The following OSBPL3 variants were observed in gnomAD, a reference collection of about 807,000 sequenced individuals.
OSBPL3 encodes oxysterol-binding protein-related protein 3.
Under a neutral mutation model 120.1 loss-of-function variants are expected in OSBPL3, and 65 were observed. The observed-to-expected ratio is 0.54, with a 90% CI of 0.44 to 0.67. The LOEUF (loss-of-function observed/expected upper bound fraction) is 0.67. OSBPL3 is among the 30% of genes least tolerant of loss of function. The pLI, the probability that OSBPL3 is intolerant of heterozygous loss-of-function variation, is 0.00. For synonymous variants in OSBPL3, 416 were observed against 402.6 expected, an observed-to-expected ratio of 1.03 and a Z score of -0.40; for missense variants, 1,004 against 1,082.1, an observed-to-expected ratio of 0.93 and a Z score of 1.01.
At chr7:24,904,918 GGTGTGTGTGTGTGTGTGTGTGT>G (rs67222925) in intron 1 of OSBPL3, among the ~76,000 whole-genome samples, 5 of 132,860 alleles carry the variant, frequency 3.8e-5, no homozygotes, top group Non-Finnish European at 8.0e-5. Context: ...ATAATATACA[GGTGTGTGTGTGTGTGTGTGTGT>G]GTGTGTGTGT....
At chr7:24,962,282 G>A (rs531924971) in intron 1 of OSBPL3, among the ~76,000 whole-genome samples, 4 of 151,324 alleles carry the variant, frequency 2.6e-5, no homozygotes, top group South Asian at 2.1e-4. Flanking sequence ...CAGCCTGGGC[G>A]ACGAGAGTGA....
intron 16 of OSBPL3, among the ~76,000 whole-genome samples, chr7:24,825,840 C>T (rs1001065625): frequency 1.3e-5 from 2 of 152,196 alleles, no homozygotes; most frequent in Non-Finnish European, 2.9e-5. Context: ...AAAAGATCTT[C>T]ATTTCAATCT....
rs955832482 is a variant in OSBPL3 at position 24,855,982 on chromosome 7, C to G, written c.1028-3348G>C. On this transcript the variant is annotated intron_variant, in intron 10 of 22. Coordinates refer to ENST00000313367, the MANE Select transcript of OSBPL3 (RefSeq NM_015550.4). The surrounding 1 kb of genome is among the most constrained non-coding windows in gnomAD (Gnocchi z 4.3). Reference sequence around the variant, plus strand: ...TGGCCCACGCTTGTCAGAGCACTTGCTATCTCCTAAAATGGTACATTCTGC... The same window carrying G: ...TGGCCCACGCTTGTCAGAGCACTTGGTATCTCCTAAAATGGTACATTCTGC... Among the ~76,000 whole-genome samples the G allele has an allele frequency of 6.6e-6, 1 of 152,206 alleles. No individual in the cohort carries two copies.
chr7:24,816,783 C>T, intron 17 of OSBPL3, 95 bp from the exon 18 acceptor site: 1 of 804,112 alleles, frequency 1.2e-6, no homozygotes, highest in South Asian at 1.4e-5. Context: ...CTATATAGTA[C>T]AACCTCTTCA....
At position 24,933,083 on chromosome 7, in the gene OSBPL3, A is replaced by G. The variant is rs1811984516; in HGVS notation, c.-149-40462T>C. 6.6e-6 allele frequency among the ~76,000 whole-genome samples: 1 copy of G among 152,260 alleles called. No individual in the cohort carries two copies. Among genetic ancestry groups the G allele is most frequent in the Non-Finnish European group, 1.5e-5 (1 of 68,042 alleles). ...CTGCCCAAAATAGTTTAATAAGGCC[A>G]GCAGTGATTCAGAGAGTAATAACAG... On this transcript the variant is annotated intron_variant, in intron 1 of 22. Coordinates refer to ENST00000313367, the MANE Select transcript of OSBPL3 (RefSeq NM_015550.4). This position sits in a 1 kb window ranked among gnomAD's most constrained non-coding sequence, Gnocchi z 5.1.
At chr7:24,841,522 C>G (rs571557599) in intron 13 of OSBPL3, among the ~76,000 whole-genome samples, 15 of 151,264 alleles carry the variant, frequency 9.9e-5, no homozygotes, top group African/African-American at 3.6e-4. Context: ...CATGCGGAAG[C>G]CCATCTCTAC....
At chr7:24,893,514 G>A (rs1039332466) in intron 1 of OSBPL3, among the ~76,000 whole-genome samples, 4 of 152,174 alleles carry the variant, frequency 2.6e-5, no homozygotes, top group Non-Finnish European at 4.4e-5. Context: ...GGTGTGATAA[G>A]AATATTCTGG....
At chr7:24,981,552 T>C (rs1818362477), upstream of OSBPL3, 1 of 152,478 alleles carries the variant, frequency 6.6e-6, no homozygotes, top group African/African-American at 2.4e-5. This position sits in a 1 kb window ranked among gnomAD's most constrained non-coding sequence, Gnocchi z 7.3. Flanking sequence ...TTTCTGAGAC[T>C]CTTTCCGGAG....
chr7:24,875,886 T>C (rs1310973021), intron 2 of OSBPL3, among the ~76,000 whole-genome samples: 5 of 152,066 alleles, frequency 3.3e-5, no homozygotes, highest in Non-Finnish European at 7.4e-5. Flanking sequence ...GACGACAGGG[T>C]AAGAACCACT....
intron 1 of OSBPL3, among the ~76,000 whole-genome samples, chr7:24,960,252 C>T (rs1304478700): frequency 6.6e-6 from 1 of 152,070 alleles, no homozygotes; most frequent in South Asian, 2.1e-4. Flanking sequence ...AAACACAGAT[C>T]CTTCCACCTC....
At chr7:24,814,661 C>A (rs1354824305) in intron 19 of OSBPL3, among the ~76,000 whole-genome samples, 3 of 152,094 alleles carry the variant, frequency 2.0e-5, no homozygotes, top group Non-Finnish European at 4.4e-5. Flanking sequence ...CTCCTGCAGC[C>A]CCGGGCGACC....
Position 24,820,586 on chromosome 7 carries a change from C to A in OSBPL3, c.1885-348G>T, listed in dbSNP as rs1795006297. 6.6e-6 allele frequency among the ~76,000 whole-genome samples: 1 copy of A among 152,216 alleles called. No homozygotes were observed. The highest frequency in any genetic ancestry group is 2.4e-5 in the African/African-American group (1 of 41,458). ...GGACTGCTCATCCATAACATATAAT[C>A]TGACATTGGCTACCAATGTCAACAT... On this transcript the variant is annotated intron_variant, in intron 16 of 22. Transcript: ENST00000313367. The surrounding 1 kb of genome is among the most constrained non-coding windows in gnomAD (Gnocchi z 4.6).
At chr7:24,923,409 T>A (rs781775035) in intron 1 of OSBPL3, among the ~76,000 whole-genome samples, 2 of 152,218 alleles carry the variant, frequency 1.3e-5, no homozygotes, top group Non-Finnish European at 2.9e-5. Flanking sequence ...CCAACCAGAT[T>A]CCCTTCCTCA....
chr7:24,820,148 T>C lies in OSBPL3; in HGVS notation c.1948+27A>G. ...ATAGATAACATATTACACAATATGA[T>C]GGAAGTAAAATGTATTAGCACATTA... On this transcript the variant is annotated intron_variant, in intron 17 of 22. Transcript: ENST00000313367. The surrounding 1 kb of genome is among the most constrained non-coding windows in gnomAD (Gnocchi z 4.6). The C allele has an allele frequency of 6.9e-7, 1 of 1,450,394 alleles. No homozygotes were observed. Among genetic ancestry groups the C allele is most frequent in the Non-Finnish European group, 9.7e-7 (1 of 1,033,702 alleles). The allele number at this position is 1,450,394 out of a possible 1,614,324, so 89.8% of individuals were successfully genotyped here. A position where few individuals can be genotyped will look rare whatever the true frequency, so the allele number is the denominator to read the frequency against.
At chr7:24,886,862 A>G (rs1462140833) in intron 2 of OSBPL3, among the ~76,000 whole-genome samples, 1 of 152,114 alleles carries the variant, frequency 6.6e-6, no homozygotes, top group Non-Finnish European at 1.5e-5. Flanking sequence ...TCTCTCATGA[A>G]TCAACTCTAA....
In OSBPL3 at chr7:24,806,976, C is replaced by T. The variant is rs207467736; in HGVS notation, c.2318-74G>A. 40 of 1,372,038 alleles carry T rather than the reference C, an allele frequency of 2.9e-5. No individual in the cohort carries two copies. The highest frequency in any genetic ancestry group is 2.5e-4 in the African/African-American group (17 of 68,646). 85.0% of individuals were successfully genotyped at this position (1,372,038 alleles called of 1,614,324 possible). On this transcript the variant is annotated intron_variant, in intron 20 of 22. Coordinates refer to ENST00000313367, the MANE Select transcript of OSBPL3 (RefSeq NM_015550.4). The surrounding 1 kb of genome is among the most constrained non-coding windows in gnomAD (Gnocchi z 5.2). ...TACATTTTAATTCCTTCACCTTTTTCGTCTCAGCCTAGCTACAATTTTTCT... is the reference window on the plus strand; with the variant it reads ...TACATTTTAATTCCTTCACCTTTTTTGTCTCAGCCTAGCTACAATTTTTCT...
At position 24,881,892 on chromosome 7, in the gene OSBPL3, ATCTC is replaced by A; in HGVS notation, c.97-9827_97-9824del. 3.3e-5 allele frequency among the ~76,000 whole-genome samples: 5 copies of A among 151,904 alleles called. No individual in the cohort carries two copies. Among genetic ancestry groups the A allele is most frequent in the Admixed American group, 3.3e-4 (5 of 15,282 alleles). On this transcript the variant is annotated intron_variant, in intron 2 of 22. Transcript: ENST00000313367. The surrounding 1 kb of genome is among the most constrained non-coding windows in gnomAD (Gnocchi z 4.3). ...CTTGGCTTGTAGCTGCATCACTCCAATCTCTCTCTCCACCATCACATCACCTTTT... is the reference window on the plus strand; with the variant it reads ...CTTGGCTTGTAGCTGCATCACTCCAATCTCTCCACCATCACATCACCTTTT...
Position 24,872,025 on chromosome 7 carries a change from G to A in OSBPL3, c.141C>T (p.Tyr47=). The A allele has an allele frequency of 1.2e-6, 2 of 1,613,892 alleles. No homozygotes were observed. The highest frequency in any genetic ancestry group is 1.1e-5 in the South Asian group (1 of 91,080). Residue 47 remains tyrosine (Y), a synonymous_variant, in exon 3 of 23, where the codon TAC becomes TAT. Coordinates refer to ENST00000313367, the MANE Select transcript of OSBPL3 (RefSeq NM_015550.4). This position sits in a 1 kb window ranked among gnomAD's most constrained non-coding sequence, Gnocchi z 4.1. ...VVEGLRGEMN[Y]TQEPPVQKGF... Reference sequence around the variant, plus strand: ...CTTTCTGAACTGGTGGCTCCTGGGTGTAATTCATCTCCCCCCTCAGTCCTT... The same window carrying A: ...CTTTCTGAACTGGTGGCTCCTGGGTATAATTCATCTCCCCCCTCAGTCCTT...
intron 1 of OSBPL3, among the ~76,000 whole-genome samples, chr7:24,921,420 A>G (rs1810367495): frequency 6.6e-6 from 1 of 152,228 alleles, no homozygotes; most frequent in African/African-American, 2.4e-5. Flanking sequence ...GAGTTCCAAA[A>G]GGTAATTGTA....
Sources: gnomAD v4.1 joint callset for allele counts (sites outside exome capture counted in the v4.1 genomes callset) on GRCh38, gnomAD v4.1.1 for gene constraint, Gnocchi (gnomAD v3.1) non-coding constraint, MANE v1.5 for transcripts, NCBI Gene and HGNC (gene_info 2026-07-23, HGNC 2026-07-21) for gene names.